Variants in PKD1L1 observed in about 807,000 individuals in gnomAD.
The protein encoded by PKD1L1 is polycystin 1 like 1, transient receptor potential channel interacting.
Under a neutral mutation model 323.4 loss-of-function variants are expected in PKD1L1, and 236 were observed. That is an observed-to-expected ratio of 0.73 (90% CI 0.66 to 0.81). PKD1L1 has a LOEUF of 0.81. Among genes scored for constraint, PKD1L1 ranks in the 40% least tolerant of loss-of-function variants. The pLI is 0.00. For missense variants in PKD1L1, 3,320 were observed against 3,508.0 expected, an observed-to-expected ratio of 0.95 and a Z score of 1.35; for synonymous variants, 1,344 against 1,335.0, an observed-to-expected ratio of 1.01 and a Z score of -0.15.
At chr7:47,955,105 AC>A in the PKD1L1 span, among the ~76,000 whole-genome samples, 3 of 152,218 alleles carry the variant, frequency 2.0e-5, no homozygotes, top group African/African-American at 7.2e-5. Context: ...CACTGCAAAG[AC>A]TGTTACAGAC....
chr7:47,948,444 C>T lies in PKD1L1; in HGVS notation c.-4G>A. 6.2e-7 allele frequency: 1 copy of T among 1,614,100 alleles called. No individual in the cohort carries two copies. Among genetic ancestry groups the T allele is most frequent in the Non-Finnish European group, 8.5e-7 (1 of 1,180,016 alleles). ...TCTGGGCTGCCTCCTCGGCCATGTC[C>T]TGTGCAAGCTGGTCACAAGTATGAC... On this transcript the variant is annotated 5_prime_UTR_variant, in exon 1 of 57. Transcript: ENST00000289672.
chr7:47,945,292 T>C (rs1788072262), intron 1 of PKD1L1, among the ~76,000 whole-genome samples: 1 of 152,242 alleles, frequency 6.6e-6, no homozygotes, highest in African/African-American at 2.4e-5. Flanking sequence ...CTATAAAGTC[T>C]AGAGGATATC....
chr7:47,926,335 T>TA (rs1383872545), intron 7 of PKD1L1, among the ~76,000 whole-genome samples: 1 of 152,248 alleles, frequency 6.6e-6, no homozygotes, highest in Non-Finnish European at 1.5e-5. Context: ...AAAATCTTTG[T>TA]ATCTACCTAT....
At chr7:47,809,391 C>T in intron 51 of PKD1L1, 82 bp downstream of exon 51, 2 of 1,117,118 alleles carry the variant, frequency 1.8e-6, no homozygotes, top group Non-Finnish European at 2.5e-6. Flanking sequence ...AGTGCATAAT[C>T]AATTTCTTAT....
Position 47,827,389 on chromosome 7 carries a change from T to G in PKD1L1, c.6815A>C (p.Gln2272Pro). ...TGTGCGACTCTCTCTCCTCATCCTCTGTCTGGTGCCCCTCAGCTGGGCCTT... is the reference window on the plus strand; with the variant it reads ...TGTGCGACTCTCTCTCCTCATCCTCGGTCTGGTGCCCCTCAGCTGGGCCTT... Reference protein sequence around the residue: ...PSKAQLRGTRQRMRRESRTRA... With the variant: ...PSKAQLRGTRPRMRRESRTRA... The change falls in exon 45 of 57, where the codon CAG becomes CCG. Residue 2272 changes from glutamine (Q) to proline (P), a missense_variant. Coordinates refer to ENST00000289672, the MANE Select transcript of PKD1L1 (RefSeq NM_138295.5). 1 of 1,613,438 alleles carries G rather than the reference T, an allele frequency of 6.2e-7. No individual in the cohort carries two copies. Among genetic ancestry groups the G allele is most frequent in the Non-Finnish European group, 8.5e-7 (1 of 1,179,816 alleles).
At chr7:47,930,245 G>A (rs754450402) in intron 6 of PKD1L1, among the ~76,000 whole-genome samples, 5 of 150,740 alleles carry the variant, frequency 3.3e-5, no homozygotes, top group Non-Finnish European at 5.9e-5. Flanking sequence ...CTCTTCCAGT[G>A]TGCTGTGCAT....
rs1365021378 is a variant in PKD1L1, at chr7:47,833,042, G to C, written c.6337+48C>G. ...GCCCTGCCTCTCCCAATGGCTGCAG[G>C]TCTGCTGGACTGGCAGGAAGGGGGC... On this transcript the variant is annotated intron_variant, in intron 41 of 56. Transcript: ENST00000289672. 4 of 1,570,400 alleles carry C rather than the reference G, an allele frequency of 2.5e-6. No individual in the cohort carries two copies. The African/African-American group carries it at 5.4e-5, about 21-fold the overall frequency.
At chr7:47,881,773 A>C in intron 20 of PKD1L1, 136 bp downstream of exon 20, 4 of 861,082 alleles carry the variant, frequency 4.6e-6, no homozygotes, top group Non-Finnish European at 7.0e-6. Flanking sequence ...CCATAGAAGA[A>C]CAAGCACAAG....
chr7:47,954,902 G>C, the PKD1L1 span, among the ~76,000 whole-genome samples: 3 of 152,204 alleles, frequency 2.0e-5, no homozygotes, highest in Non-Finnish European at 4.4e-5. Context: ...TACATATGCT[G>C]GTTATGGTTG....
At chr7:47,954,627 CTCAG>C in the PKD1L1 span, among the ~76,000 whole-genome samples, 4 of 152,180 alleles carry the variant, frequency 2.6e-5, no homozygotes, top group Non-Finnish European at 5.9e-5. Flanking sequence ...TTATAAATGA[CTCAG>C]TCTGTGGGAA....
intron 52 of PKD1L1, among the ~76,000 whole-genome samples, chr7:47,804,632 C>G (rs1562937855): frequency 6.6e-6 from 1 of 151,656 alleles, no homozygotes; most frequent in African/African-American, 2.4e-5. Flanking sequence ...ACCATAGTGG[C>G]TATTATTATT....
chr7:47,915,596 AT>A lies in PKD1L1; in HGVS notation c.1063del (p.Ile355PhefsTer25). ...CTGAAAATGTAAAAGATGAAAAAAA[AT>A]ACCTATAAAAGCAAAAAGAAGAAAA... ...VTAYHQYSKGIFFHLLHFQLD... is the reference protein window; with the variant it reads ...VTAYHQYSKGXFFHLLHFQLD... On this transcript the variant is annotated frameshift_variant and splice_region_variant, in exon 8 of 57. Coordinates refer to ENST00000289672, the MANE Select transcript of PKD1L1 (RefSeq NM_138295.5). LOFTEE classifies it high-confidence loss of function. 6.6e-7 allele frequency: 1 copy of A among 1,517,516 alleles called. No homozygotes were observed. Among genetic ancestry groups the A allele is most frequent in the Non-Finnish European group, 9.0e-7 (1 of 1,109,746 alleles). 94.0% of individuals were successfully genotyped at this position (1,517,516 alleles called of 1,614,324 possible). A position where few individuals can be genotyped will look rare whatever the true frequency, so the allele number is the denominator to read the frequency against.
At chr7:47,863,588 G>A (rs1431671608) in intron 26 of PKD1L1, among the ~76,000 whole-genome samples, 2 of 152,150 alleles carry the variant, frequency 1.3e-5, no homozygotes, top group African/African-American at 4.8e-5. Flanking sequence ...AAAGCAGATT[G>A]AGCCCCACAG....
intron 31 of PKD1L1, among the ~76,000 whole-genome samples, chr7:47,847,451 C>G (rs1785689720): frequency 6.6e-6 from 1 of 152,180 alleles, no homozygotes; most frequent in Non-Finnish European, 1.5e-5. Flanking sequence ...CTTCCTGCTC[C>G]TCGCCAGTTT....
chr7:47,781,399 GTTTTGTTTTGTTTTTT>G (rs1584939428), intron 56 of PKD1L1, among the ~76,000 whole-genome samples: 3 of 71,772 alleles, frequency 4.2e-5, no homozygotes, highest in Non-Finnish European at 5.8e-5. Context: ...TTTTTTTTTT[GTTTTGTTTTGTTTTTT>G]TTTTTTTTTT....
In PKD1L1 at chr7:47,813,120, CCTTGTT is replaced by C. The variant is rs750264793; in HGVS notation, c.7341_7346del (p.Arg2449_Thr2450del). ...GCCCCGGCCCTTCGAATCTCACTGACCTTGTTCTGCCCAGGCTGAGCACACAGTCCT... is the reference window on the plus strand; with the variant it reads ...GCCCCGGCCCTTCGAATCTCACTGACCTGCCCAGGCTGAGCACACAGTCCT... On this transcript the variant is annotated inframe_deletion and splice_region_variant, in exon 49 of 57. Transcript: ENST00000289672. 11 of 1,612,468 alleles carry C rather than the reference CCTTGTT, an allele frequency of 6.8e-6. No homozygotes were observed. The Admixed American group carries it at 1.3e-4, about 20-fold the overall frequency.
At chr7:47,842,844 A>G (rs1785589425) in intron 34 of PKD1L1, 118 bp downstream of exon 34, 2 of 955,796 alleles carry the variant, frequency 2.1e-6, no homozygotes, top group Non-Finnish European at 3.1e-6. Flanking sequence ...TTGCCTCAGC[A>G]ATGAGATGAG....
intron 22 of PKD1L1, 30 bp downstream of exon 22, chr7:47,877,459 C>T (rs1316117103): frequency 6.2e-6 from 10 of 1,611,596 alleles, no homozygotes; most frequent in Non-Finnish European, 7.6e-6. Flanking sequence ...TCGGGGGTCT[C>T]TCAGGACAGA....
intron 55 of PKD1L1, among the ~76,000 whole-genome samples, chr7:47,794,648 C>T (rs1697528184): frequency 6.6e-6 from 1 of 152,184 alleles, no homozygotes; most frequent in African/African-American, 2.4e-5. Context: ...CTCCAGACTC[C>T]AGAATGGTGG....
Sources: gnomAD v4.1 joint callset for allele counts (sites outside exome capture counted in the v4.1 genomes callset) on GRCh38, gnomAD v4.1.1 for gene constraint, MANE v1.5 for transcripts, NCBI Gene and HGNC (gene_info 2026-07-23, HGNC 2026-07-21) for gene names.